Variants in DEUP1 observed in about 807,000 individuals in gnomAD.
The protein encoded by DEUP1 is deuterosome assembly protein 1.
A neutral mutation model predicts 87.4 loss-of-function variants in DEUP1; 82 were observed. The observed-to-expected ratio is 0.94, with a 90% CI of 0.78 to 1.13. DEUP1 has a LOEUF of 1.13. DEUP1 is among the 50% of genes most tolerant of loss of function. The probability of loss-of-function intolerance (pLI) is 0.00; values close to 1 mark genes in which losing one functional copy is unlikely to be tolerated. For missense variants in DEUP1, 663 were observed against 681.5 expected (o/e 0.97, Z 0.30); for synonymous variants, 214 against 222.7 (o/e 0.96, Z 0.35).
chr11:93,336,655 G>C (rs1007249132), intron 2 of DEUP1, among the ~76,000 whole-genome samples: 3 of 152,090 alleles, frequency 2.0e-5, no homozygotes, highest in African/African-American at 7.2e-5. Flanking sequence ...GCCATCTACT[G>C]TACCTGGTGT....
At chr11:93,386,672 TG>T (rs978662300) in intron 8 of DEUP1, among the ~76,000 whole-genome samples, 1 of 152,174 alleles carries the variant, frequency 6.6e-6, no homozygotes, top group African/African-American at 2.4e-5. Flanking sequence ...ATGACCTATT[TG>T]TGTGTCTCAC....
chr11:93,429,968 C>T (rs1013418603), intron 13 of DEUP1, among the ~76,000 whole-genome samples: 1 of 152,142 alleles, frequency 6.6e-6, no homozygotes, highest in African/African-American at 2.4e-5. Flanking sequence ...TTTCCATCTT[C>T]TAATGCATTT....
rs560450868 is a variant in DEUP1, at chr11:93,387,395, T to C, written c.936-1625T>C. Among the ~76,000 whole-genome samples the C allele has an allele frequency of 4.6e-5, 7 of 152,272 alleles. No individual in the cohort carries two copies. In the South Asian group the frequency reaches 1.5e-3, roughly 32 times the overall value. ...TAAAAGTAGCATGGTAATGTTCTTA[T>C]TCATTTTCAGAAACTTTCTCAATAA... On this transcript the variant is annotated intron_variant, in intron 8 of 13. Transcript: ENST00000298050.
intron 11 of DEUP1, among the ~76,000 whole-genome samples, chr11:93,407,332 T>C (rs1947308929): frequency 6.6e-6 from 1 of 152,156 alleles, no homozygotes. Context: ...CTAGAAACAA[T>C]AGGCTTTACC....
In DEUP1 at chr11:93,408,312, G is replaced by C. The variant is rs1204875229; in HGVS notation, c.1408G>C (p.Asp470His). The stretch of plus-strand genomic sequence containing the variant: ...ATATGAGAATGAAAGGCTCCGAAAT[G>C]ATCTTGCAAAACTTCATGTCAATGG... ...LQYENERLRN[D>H]LAKLHVNGKS... Residue 470 changes from aspartate (D) to histidine (H), a missense_variant, in exon 12 of 14, where the codon GAT becomes CAT. Coordinates refer to ENST00000298050, the MANE Select transcript of DEUP1 (RefSeq NM_181645.4). 27 of 1,579,674 alleles carry C rather than the reference G, an allele frequency of 1.7e-5. No individual in the cohort carries two copies. The highest frequency in any genetic ancestry group is 2.3e-5 in the Non-Finnish European group (27 of 1,161,498).
At chr11:93,331,962 A>T (rs1389830809) in intron 1 of DEUP1, among the ~76,000 whole-genome samples, 1 of 152,112 alleles carries the variant, frequency 6.6e-6, no homozygotes. Flanking sequence ...AATCGCTAGA[A>T]CCTGGGAGGC....
intron 7 of DEUP1, among the ~76,000 whole-genome samples, chr11:93,374,763 CT>C (rs529493126): frequency 6.6e-6 from 1 of 151,888 alleles, no homozygotes; most frequent in East Asian, 1.9e-4. Flanking sequence ...TATGCAGGCT[CT>C]TTTTTTGGTT....
intron 10 of DEUP1, among the ~76,000 whole-genome samples, chr11:93,395,297 A>G (rs559855774): frequency 1.1e-3 from 165 of 152,304 alleles, no homozygotes; most frequent in African/African-American, 3.8e-3. Flanking sequence ...TTGAGAGCAC[A>G]GGGTTTATCT....
In DEUP1 at chr11:93,357,167, G is replaced by C. The variant is rs1456123380; in HGVS notation, c.297+124G>C. On this transcript the variant is annotated intron_variant, in intron 4 of 13. Transcript: ENST00000298050. ...TGTCTTGTATTTTAATTATAAGCTTGGTCATGTCTTTCCCTGTTTTATATG... is the reference window on the plus strand; with the variant it reads ...TGTCTTGTATTTTAATTATAAGCTTCGTCATGTCTTTCCCTGTTTTATATG... 4.8e-6 allele frequency: 3 copies of C among 627,706 alleles called. No homozygotes were observed. In the Admixed American group the frequency reaches 1.1e-4, roughly 22 times the overall value. The allele number at this position is 627,706 out of a possible 1,614,324, so 38.9% of individuals were successfully genotyped here.
chr11:93,333,723 T>G (rs1275473031), intron 2 of DEUP1, among the ~76,000 whole-genome samples: 1 of 152,184 alleles, frequency 6.6e-6, no homozygotes, highest in Non-Finnish European at 1.5e-5. Flanking sequence ...TACACCAGGT[T>G]AGTAGAGAAA....
chr11:93,403,908 T>C (rs898979400), intron 11 of DEUP1, among the ~76,000 whole-genome samples: 2 of 152,060 alleles, frequency 1.3e-5, no homozygotes, highest in African/African-American at 4.8e-5. Context: ...AGAAACAAGA[T>C]ATTTACATCA....
rs144242974 is a variant in DEUP1 at position 93,412,593 on chromosome 11, C to G, written c.1524-2407C>G. Among the ~76,000 whole-genome samples the G allele has an allele frequency of 7.5e-4, 114 of 152,148 alleles. No individual in the cohort carries two copies. The East Asian group carries it at 0.017, about 22-fold the overall frequency. ...ACACCATAAAACTTTATCTGTACATCCAAAGCAAAATGGATAACTAAGATA... is the reference window on the plus strand; with the variant it reads ...ACACCATAAAACTTTATCTGTACATGCAAAGCAAAATGGATAACTAAGATA... On this transcript the variant is annotated intron_variant, in intron 12 of 13. Transcript: ENST00000298050.
intron 11 of DEUP1, among the ~76,000 whole-genome samples, chr11:93,405,467 C>A (rs1947243480): frequency 6.6e-6 from 1 of 151,902 alleles, no homozygotes; most frequent in African/African-American, 2.4e-5. Flanking sequence ...GCACCTTGGT[C>A]AGTAGCTTTA....
chr11:93,350,870 C>T (rs929684622), intron 2 of DEUP1, among the ~76,000 whole-genome samples: 1 of 151,660 alleles, frequency 6.6e-6, no homozygotes, highest in Non-Finnish European at 1.5e-5. Context: ...GCCGAAGAAT[C>T]GTTTGAACCC....
chr11:93,406,084 A>G (rs1434825335), intron 11 of DEUP1, among the ~76,000 whole-genome samples: 1 of 151,926 alleles, frequency 6.6e-6, no homozygotes, highest in Non-Finnish European at 1.5e-5. Flanking sequence ...AATTCTGTGA[A>G]AAGTTTAGAT....
intron 13 of DEUP1, among the ~76,000 whole-genome samples, chr11:93,416,643 A>G (rs2134453588): frequency 6.6e-6 from 1 of 151,976 alleles, no homozygotes; most frequent in Non-Finnish European, 1.5e-5. Context: ...TATTCCAATC[A>G]ATAGAAAAAG....
At chr11:93,413,900 C>A (rs147421219) in intron 12 of DEUP1, among the ~76,000 whole-genome samples, 14 of 152,096 alleles carry the variant, frequency 9.2e-5, no homozygotes, top group African/African-American at 1.4e-4. Flanking sequence ...AATAATTGAA[C>A]TTTTAAATCT....
chr11:93,371,085 C>T lies in DEUP1; in HGVS notation c.594C>T (p.Cys198=). The T allele has an allele frequency of 6.2e-7, 1 of 1,612,220 alleles. No homozygotes were observed. Among genetic ancestry groups the T allele is most frequent in the South Asian group, 1.1e-5 (1 of 90,834 alleles). The change falls in exon 7 of 14, where the codon TGC becomes TGT. Residue 198 remains cysteine (C), a synonymous_variant. Transcript: ENST00000298050. ...YQTQLNGKKQ[C]LEDSSSEIPR... is the part of the protein sequence containing the mutation. ...CTCAACTAAATGGTAAAAAACAGTG[C>T]TTAGAAGACAGCAGCTCTGAAATTC...
intron 12 of DEUP1, among the ~76,000 whole-genome samples, chr11:93,413,795 G>GT (rs1458924912): frequency 6.6e-6 from 1 of 152,074 alleles, no homozygotes; most frequent in Non-Finnish European, 1.5e-5. Flanking sequence ...AAATAGTGGG[G>GT]TTTTTTAAGT....
Sources: gnomAD v4.1 joint callset for allele counts (sites outside exome capture counted in the v4.1 genomes callset) on GRCh38, gnomAD v4.1.1 for gene constraint, MANE v1.5 for transcripts, NCBI Gene and HGNC (gene_info 2026-07-23, HGNC 2026-07-21) for gene names.